The following ERBB4 variants were observed in gnomAD, a reference collection of about 807,000 sequenced individuals.
ERBB4 encodes the protein erb-b2 receptor tyrosine kinase 4.
A neutral mutation model predicts 158.0 loss-of-function variants in ERBB4; 42 were observed. The observed-to-expected ratio is 0.27, with a 90% CI of 0.21 to 0.34. ERBB4 has a LOEUF of 0.34. Ranked by LOEUF, ERBB4 falls within the 10% of genes least tolerant of loss-of-function variation. The pLI, the probability that ERBB4 is intolerant of heterozygous loss-of-function variation, is 1.00. For synonymous variants in ERBB4, 583 were observed against 558.7 expected (o/e 1.04, Z -0.61); for missense variants, 1,333 against 1,624.1 (o/e 0.82, Z 3.08).
At chr2:211,542,627 G>T (rs1231394184) in intron 20 of ERBB4, among the ~76,000 whole-genome samples, 1 of 151,968 alleles carries the variant, frequency 6.6e-6, no homozygotes, top group African/African-American at 2.4e-5. Context: ...TCACTTTAGA[G>T]AATTGAGAAT....
At chr2:211,776,592 T>C (rs951627661) in intron 4 of ERBB4, among the ~76,000 whole-genome samples, 2 of 152,238 alleles carry the variant, frequency 1.3e-5, no homozygotes, top group Non-Finnish European at 2.9e-5. Flanking sequence ...CTAGACATTT[T>C]CACTGTCTTG....
intron 1 of ERBB4, among the ~76,000 whole-genome samples, chr2:212,313,329 T>A (rs2087129496): frequency 6.6e-6 from 1 of 150,856 alleles, no homozygotes; most frequent in African/African-American, 2.4e-5. Flanking sequence ...TTACAACTTT[T>A]GAAAAATTAA....
chr2:211,661,028 A>T (rs189732356), intron 15 of ERBB4, among the ~76,000 whole-genome samples: 59 of 152,240 alleles, frequency 3.9e-4, no homozygotes, highest in African/African-American at 1.3e-3. Flanking sequence ...TTGGAGATAG[A>T]AAAATAGAGG....
intron 1 of ERBB4, among the ~76,000 whole-genome samples, chr2:212,506,973 G>T (rs950652037): frequency 2.0e-5 from 3 of 152,138 alleles, no homozygotes; most frequent in Non-Finnish European, 4.4e-5. Flanking sequence ...TCAATGCCTG[G>T]CTTCAAAGTT....
chr2:212,466,863 T>C (rs964573103), intron 1 of ERBB4, among the ~76,000 whole-genome samples: 2 of 152,162 alleles, frequency 1.3e-5, no homozygotes, highest in African/African-American at 4.8e-5. Context: ...TCCTAGAGAA[T>C]TGTTGAATGG....
chr2:212,353,608 G>C (rs1265435999), intron 1 of ERBB4, among the ~76,000 whole-genome samples: 1 of 151,264 alleles, frequency 6.6e-6, no homozygotes, highest in African/African-American at 2.4e-5. Context: ...TATGTGATGT[G>C]TCTGAAAGTG....
intron 1 of ERBB4, among the ~76,000 whole-genome samples, chr2:212,357,379 G>A (rs958143760): frequency 2.6e-5 from 4 of 151,864 alleles, no homozygotes; most frequent in Admixed American, 6.6e-5. Flanking sequence ...TGTGAAGCAT[G>A]AATGCTGTGA....
intron 3 of ERBB4, among the ~76,000 whole-genome samples, chr2:211,802,184 G>A (rs569364235): frequency 1.3e-5 from 2 of 152,004 alleles, no homozygotes; most frequent in Non-Finnish European, 2.9e-5. Context: ...GCAGAAACTC[G>A]GGAGGCGGAG....
At chr2:211,639,623 C>T (rs1000753073) in intron 16 of ERBB4, among the ~76,000 whole-genome samples, 1 of 152,108 alleles carries the variant, frequency 6.6e-6, no homozygotes, top group Admixed American at 6.5e-5. Context: ...TAAATTGCAC[C>T]TACCTTTATC....
intron 1 of ERBB4, among the ~76,000 whole-genome samples, chr2:212,437,851 A>C (rs2092171778): frequency 6.6e-6 from 1 of 151,732 alleles, no homozygotes; most frequent in Non-Finnish European, 1.5e-5. Flanking sequence ...CTTTTCATCT[A>C]TCTTATTTAT....
intron 20 of ERBB4, among the ~76,000 whole-genome samples, chr2:211,466,337 T>G (rs1263937067): frequency 1.1e-4 from 16 of 139,390 alleles, no homozygotes; most frequent in African/African-American, 4.6e-4. Flanking sequence ...GTGTAGTTTT[T>G]TTTTTTTTTT....
At chr2:211,527,905 GA>G (rs2066393858) in intron 20 of ERBB4, among the ~76,000 whole-genome samples, 1 of 151,836 alleles carries the variant, frequency 6.6e-6, no homozygotes. Flanking sequence ...TCTAATCAGA[GA>G]AAGTCACGTT....
At chr2:212,296,966 C>T (rs570184095) in intron 1 of ERBB4, among the ~76,000 whole-genome samples, 50 of 152,016 alleles carry the variant, frequency 3.3e-4, no homozygotes, top group Admixed American at 1.6e-3. Context: ...GACTCACCAA[C>T]GCTACTAATC....
chr2:212,236,693 C>T (rs13429275), intron 1 of ERBB4, among the ~76,000 whole-genome samples: 6,166 of 152,028 alleles, frequency 0.041, 385 homozygotes, highest in African/African-American at 0.14. Context: ...GTTTAGTCTT[C>T]GGAGGGTGTA....
In ERBB4 at chr2:212,127,757, A is replaced by T. The variant is rs890634433; in HGVS notation, c.83-2854T>A. Among the ~76,000 whole-genome samples the T allele has an allele frequency of 2.0e-5, 3 of 152,148 alleles. No homozygotes were observed. In the South Asian group the frequency reaches 6.2e-4, roughly 31 times the overall value. On this transcript the variant is annotated intron_variant, in intron 1 of 27. Coordinates refer to ENST00000342788, the MANE Select transcript of ERBB4 (RefSeq NM_005235.3). ...AGGAAAATACCACGTGCACACAAAGACAATCAGGAAAGAAAGCCCCGTGAC... is the reference window on the plus strand; with the variant it reads ...AGGAAAATACCACGTGCACACAAAGTCAATCAGGAAAGAAAGCCCCGTGAC...
chr2:211,760,778 C>A (rs950989928), intron 4 of ERBB4, among the ~76,000 whole-genome samples: 2 of 152,216 alleles, frequency 1.3e-5, no homozygotes, highest in African/African-American at 4.8e-5. Context: ...CATCATCAAC[C>A]TCACCACATC....
chr2:211,914,708 C>T (rs1165470666), intron 3 of ERBB4, among the ~76,000 whole-genome samples: 1 of 152,004 alleles, frequency 6.6e-6, no homozygotes, highest in Non-Finnish European at 1.5e-5. Flanking sequence ...CATAAATATA[C>T]TTTAAGAGTA....
chr2:212,507,959 A>C (rs2106266383), intron 1 of ERBB4, among the ~76,000 whole-genome samples: 1 of 152,320 alleles, frequency 6.6e-6, no homozygotes, highest in African/African-American at 2.4e-5. Flanking sequence ...GGAAGAGTCA[A>C]CAAATGAGGC....
chr2:212,025,439 A>C (rs2076751278), intron 2 of ERBB4, among the ~76,000 whole-genome samples: 1 of 151,806 alleles, frequency 6.6e-6, no homozygotes, highest in South Asian at 2.1e-4. Context: ...AGAGAAGTAG[A>C]AAGTCTTGTC....
Sources: gnomAD v4.1 joint callset for allele counts (sites outside exome capture counted in the v4.1 genomes callset) on GRCh38, gnomAD v4.1.1 for gene constraint, MANE v1.5 for transcripts, NCBI Gene and HGNC (gene_info 2026-07-23, HGNC 2026-07-21) for gene names.